ACMSD: variants seen among roughly 807,000 people sequenced by gnomAD.
ACMSD encodes the protein aminocarboxymuconate semialdehyde decarboxylase.
Under a neutral mutation model 45.9 loss-of-function variants are expected in ACMSD, and 37 were observed. The ratio of observed to expected loss-of-function variants is 0.81; its 90% CI spans 0.62 to 1.06. ACMSD has a LOEUF of 1.06. Ranked by LOEUF, ACMSD falls within the 50% of genes least tolerant of loss-of-function variation. ACMSD has a pLI of 0.00. For synonymous variants in ACMSD, 138 were observed against 148.8 expected, an observed-to-expected ratio of 0.93 and a Z score of 0.53; for missense variants, 434 against 420.9, an observed-to-expected ratio of 1.03 and a Z score of -0.27.
chr2:134,858,403 T>A (rs982270563), intron 2 of ACMSD, among the ~76,000 whole-genome samples: 1 of 152,130 alleles, frequency 6.6e-6, no homozygotes, highest in Non-Finnish European at 1.5e-5. Flanking sequence ...TCAGAGGATA[T>A]GAAATTTCAG....
At chr2:134,892,498 T>TAAAC (rs1689854179) in intron 8 of ACMSD, among the ~76,000 whole-genome samples, 1 of 151,522 alleles carries the variant, frequency 6.6e-6, no homozygotes, top group African/African-American at 2.4e-5. Context: ...AATAAATAAA[T>TAAAC]AAATCCCTGT....
intron 2 of ACMSD, among the ~76,000 whole-genome samples, chr2:134,856,143 G>A (rs1687570375): frequency 6.6e-6 from 1 of 152,178 alleles, no homozygotes; most frequent in African/African-American, 2.4e-5. Flanking sequence ...CTTATTTCAT[G>A]CTGACATGAT....
At chr2:134,879,203 A>G (rs1177337927) in intron 8 of ACMSD, among the ~76,000 whole-genome samples, 1 of 152,048 alleles carries the variant, frequency 6.6e-6, no homozygotes, top group African/African-American at 2.4e-5. Flanking sequence ...GGGGTTGGGG[A>G]CCCCTGTTGT....
chr2:134,864,931 T>C (rs1688027512), intron 5 of ACMSD, among the ~76,000 whole-genome samples: 1 of 152,246 alleles, frequency 6.6e-6, no homozygotes, highest in Non-Finnish European at 1.5e-5. Context: ...CCAGGATTCA[T>C]GATGCATAAT....
intron 8 of ACMSD, among the ~76,000 whole-genome samples, chr2:134,890,324 A>T (rs1689703291): frequency 6.6e-6 from 1 of 152,126 alleles, no homozygotes; most frequent in Non-Finnish European, 1.5e-5. Context: ...AGGAAACATC[A>T]GACAAACACA....
rs1687733869 is a variant in ACMSD, at chr2:134,859,243, G to A, written c.103-18G>A. On this transcript the variant is annotated intron_variant, in intron 2 of 9. Transcript: ENST00000356140. ...TGGTCTTAGGTTGCATTTTAGTAAT[G>A]TGGGTTTTCTGCCCCAGGGAGAAGC... 1.9e-6 allele frequency: 3 copies of A among 1,611,914 alleles called. No individual in the cohort carries two copies. The highest frequency in any genetic ancestry group is 1.1e-5 in the South Asian group (1 of 90,958).
intron 3 of ACMSD, 123 bp from the exon 4 acceptor site, chr2:134,861,846 A>G (rs1047648781): frequency 8.1e-6 from 8 of 990,570 alleles, no homozygotes; most frequent in African/African-American, 1.6e-5. Flanking sequence ...ACTGAGAGGG[A>G]CGCAGGGAGG....
At chr2:134,856,069 A>G (rs768998124) in intron 2 of ACMSD, among the ~76,000 whole-genome samples, 1 of 152,240 alleles carries the variant, frequency 6.6e-6, no homozygotes, top group Admixed American at 6.5e-5. Flanking sequence ...TACAACATTA[A>G]TAACAAATAA....
chr2:134,838,805 T>C, intron 1 of ACMSD, 66 bp downstream of exon 1: 1 of 1,295,450 alleles, frequency 7.7e-7, no homozygotes, highest in Admixed American at 1.8e-5. Flanking sequence ...GCCTTTCTCT[T>C]CTTTGTGGAA....
At chr2:134,870,011 C>T (rs1481196113) in intron 6 of ACMSD, among the ~76,000 whole-genome samples, 1 of 152,212 alleles carries the variant, frequency 6.6e-6, no homozygotes, top group Admixed American at 6.5e-5. Context: ...TCCAGAATTC[C>T]CAGGCAGCTG....
chr2:134,867,549 C>A, intron 5 of ACMSD, 30 bp from the exon 6 acceptor site: 2 of 1,147,458 alleles, frequency 1.7e-6, no homozygotes, highest in Non-Finnish European at 1.2e-6. Context: ...CAAAGTAACC[C>A]TCTCTCTCTC....
rs190881006 is a variant in ACMSD, at chr2:134,891,324, T to C, written c.850-7017T>C. 1.2e-3 allele frequency among the ~76,000 whole-genome samples: 185 copies of C among 152,210 alleles called. 1 individual carries two copies. Among genetic ancestry groups the C allele is most frequent in the African/African-American group, 4.1e-3 (169 of 41,566 alleles). ...GTTGATTTTTATATATGGTAAGAGA[T>C]AGGGGTCCGAGTTCATTCTTTTGTA... is the stretch of plus-strand genomic sequence containing the variant. On this transcript the variant is annotated intron_variant, in intron 8 of 9. Coordinates refer to ENST00000356140, the MANE Select transcript of ACMSD (RefSeq NM_138326.3).
At chr2:134,886,917 T>C (rs1279265222) in intron 8 of ACMSD, among the ~76,000 whole-genome samples, 1 of 152,212 alleles carries the variant, frequency 6.6e-6, no homozygotes, top group African/African-American at 2.4e-5. Context: ...AACGGCAATA[T>C]TTTAAAAATC....
intron 6 of ACMSD, among the ~76,000 whole-genome samples, chr2:134,869,568 A>G (rs1415751484): frequency 6.6e-6 from 1 of 152,086 alleles, no homozygotes; most frequent in African/African-American, 2.4e-5. Context: ...TCATTTCATC[A>G]TCCATTTATG....
chr2:134,847,246 G>A (rs977481783), intron 2 of ACMSD, among the ~76,000 whole-genome samples: 3 of 152,106 alleles, frequency 2.0e-5, no homozygotes, highest in Non-Finnish European at 4.4e-5. Context: ...AGTAGGGAGA[G>A]TGAAAAAGAG....
intron 8 of ACMSD, among the ~76,000 whole-genome samples, chr2:134,895,137 C>A (rs934162628): frequency 6.6e-6 from 1 of 151,312 alleles, no homozygotes; most frequent in Non-Finnish European, 1.5e-5. Context: ...AACCACATCC[C>A]TACTAAAAAT....
At chr2:134,851,155 C>T (rs1687324057) in intron 2 of ACMSD, among the ~76,000 whole-genome samples, 1 of 152,100 alleles carries the variant, frequency 6.6e-6, no homozygotes, top group Non-Finnish European at 1.5e-5. Context: ...GCATGGTATT[C>T]TATGGTGTAT....
chr2:134,854,976 T>C (rs571622659), intron 2 of ACMSD, among the ~76,000 whole-genome samples: 1 of 152,286 alleles, frequency 6.6e-6, no homozygotes, highest in East Asian at 1.9e-4. Flanking sequence ...TGATTAAGCT[T>C]TCCCAGCAAG....
intron 6 of ACMSD, 47 bp downstream of exon 6, chr2:134,867,719 T>G: frequency 6.7e-7 from 1 of 1,503,672 alleles, no homozygotes; most frequent in South Asian, 1.2e-5. Flanking sequence ...CTCTTGGGTT[T>G]TTCCAATCAT....
Sources: allele counts gnomAD v4.1 joint callset (sites outside exome capture counted in the v4.1 genomes callset), GRCh38; gene constraint gnomAD v4.1.1; transcripts MANE v1.5; gene names NCBI Gene and HGNC (gene_info 2026-07-23, HGNC 2026-07-21).